The following ICA1 variants were observed in gnomAD, a reference collection of about 807,000 sequenced individuals.
ICA1 encodes 69 kDa islet cell autoantigen.
ICA1 carries 40 observed loss-of-function variants against 71.0 expected under a neutral mutation model. That is an observed-to-expected ratio of 0.56 (90% confidence interval 0.44 to 0.73). ICA1 has a LOEUF of 0.73. ICA1 is among the 30% of genes least tolerant of loss of function. The pLI, the probability that ICA1 is intolerant of heterozygous loss-of-function variation, is 0.00. For missense variants in ICA1, 578 were observed against 576.5 expected (o/e 1.00, Z -0.03); for synonymous variants, 207 against 209.5 (o/e 0.99, Z 0.10).
At chr7:8,209,265 T>C (rs1792762991) in intron 6 of ICA1, among the ~76,000 whole-genome samples, 1 of 152,116 alleles carries the variant, frequency 6.6e-6, no homozygotes, top group Admixed American at 6.5e-5. Flanking sequence ...TCCTTCCCCC[T>C]CCACACTTGA....
In ICA1 at chr7:8,208,154, T is replaced by C. The variant is rs114674790; in HGVS notation, c.579+10151A>G. Among the ~76,000 whole-genome samples, 1,377 of 152,332 alleles carry C rather than the reference T, an allele frequency of 9.0e-3. 19 individuals carry two copies. The highest frequency in any genetic ancestry group is 0.031 in the African/African-American group (1,305 of 41,566). On this transcript the variant is annotated intron_variant, in intron 6 of 13. Transcript: ENST00000402384. The stretch of plus-strand genomic sequence containing the variant: ...TAGATCTTTCTTTCTAAAATATTAA[T>C]TTTCCCTAGCCAACTTATAAATCTA...
chr7:8,189,444 T>C (rs1352583770), intron 6 of ICA1, among the ~76,000 whole-genome samples: 1 of 152,232 alleles, frequency 6.6e-6, no homozygotes, highest in African/African-American at 2.4e-5. Context: ...GCGGATTCTT[T>C]CGCCTCCTCG....
intron 3 of ICA1, 105 bp from the exon 4 acceptor site, chr7:8,228,778 C>A (rs1005121520): frequency 1.5e-6 from 1 of 664,226 alleles, no homozygotes; most frequent in Non-Finnish European, 2.5e-6. Context: ...AAAAACAAGA[C>A]CACATGTCTA....
chr7:8,181,089 T>C (rs1782070386), intron 6 of ICA1, among the ~76,000 whole-genome samples: 1 of 152,188 alleles, frequency 6.6e-6, no homozygotes, highest in Non-Finnish European at 1.5e-5. Flanking sequence ...TATGTTTTGT[T>C]TTAAAAGAGT....
rs137948932 is a variant in ICA1 at position 8,218,493 on chromosome 7, G to T, written c.391C>A (p.Arg131=). 5 of 1,613,900 alleles carry T rather than the reference G, an allele frequency of 3.1e-6. No homozygotes were observed. In the Admixed American group the frequency reaches 6.7e-5, roughly 22 times the overall value. ...TGGTGAAATCGACACAAAGGATTTC[G>T]TAAGGCCAACCTAGACAAGAGGACA... ...CFSSQQRLAL[R]NPLCRFHQEV... is the part of the protein sequence containing the mutation. Residue 131 remains arginine (R), a synonymous_variant, in exon 6 of 14, where the codon CGA becomes AGA. Transcript: ENST00000402384.
At chr7:8,185,852 G>T (rs1400205558) in intron 6 of ICA1, among the ~76,000 whole-genome samples, 3 of 152,192 alleles carry the variant, frequency 2.0e-5, no homozygotes, top group African/African-American at 7.2e-5. Context: ...ACAGTGCTTG[G>T]TGCATAGTAA....
chr7:8,242,630 G>C (rs1277016159), intron 1 of ICA1, among the ~76,000 whole-genome samples: 1 of 152,110 alleles, frequency 6.6e-6, no homozygotes, highest in African/African-American at 2.4e-5. Context: ...CCAGGAGCTG[G>C]TTTTTTGAAA....
chr7:8,155,117 G>C (rs1042396652), intron 8 of ICA1, among the ~76,000 whole-genome samples: 2 of 152,136 alleles, frequency 1.3e-5, no homozygotes, highest in African/African-American at 4.8e-5. Flanking sequence ...CAAAAGTACA[G>C]TTTATTTGGT....
intron 6 of ICA1, among the ~76,000 whole-genome samples, chr7:8,182,460 C>T (rs939847220): frequency 6.6e-5 from 10 of 152,066 alleles, no homozygotes; most frequent in African/African-American, 2.4e-4. Context: ...GAAAGTTGGG[C>T]AGAGGAGAAG....
chr7:8,160,034 C>T lies in ICA1; in HGVS notation c.580-1382G>A, dbSNP rs555115598. 3.9e-5 allele frequency among the ~76,000 whole-genome samples: 6 copies of T among 152,174 alleles called. No homozygotes were observed. The South Asian group carries it at 1.2e-3, about 32-fold the overall frequency. On this transcript the variant is annotated intron_variant, in intron 6 of 13. Transcript: ENST00000402384. ...ACCAGGAGGGCATGGACCATGTCTA[C>T]GTTGTTCATCATTATATTGCCTAGC...
intron 1 of ICA1, among the ~76,000 whole-genome samples, chr7:8,237,833 C>CACACACACAA (rs537406895): frequency 0.013 from 1,993 of 151,478 alleles, 13 homozygotes; most frequent in Non-Finnish European, 0.022. Flanking sequence ...CACACACACA[C>CACACACACAA]ACACACACAC....
In ICA1 at chr7:8,177,439, A is replaced by G. The variant is rs548354634; in HGVS notation, c.580-18787T>C. 5.9e-5 allele frequency among the ~76,000 whole-genome samples: 9 copies of G among 152,318 alleles called. No individual in the cohort carries two copies. In the South Asian group the frequency reaches 1.9e-3, roughly 32 times the overall value. On this transcript the variant is annotated intron_variant, in intron 6 of 13. Transcript: ENST00000402384. ...ATTAGTGGAAGCATTAGGTCACAAG[A>G]CTGAGCCCAGGGCACCCTTTTATCA...
At chr7:8,127,317 G>C (rs925091962) in intron 13 of ICA1, among the ~76,000 whole-genome samples, 2 of 152,016 alleles carry the variant, frequency 1.3e-5, no homozygotes, top group Non-Finnish European at 2.9e-5. Flanking sequence ...GATCAGTGTG[G>C]AAACTCTATT....
intron 6 of ICA1, among the ~76,000 whole-genome samples, chr7:8,202,442 CT>C (rs1398324298): frequency 1.2e-4 from 19 of 152,302 alleles, no homozygotes; most frequent in African/African-American, 4.1e-4. Context: ...ACATGATAAA[CT>C]TTTTAAATGT....
rs140873769 is a variant in ICA1 at position 8,149,125 on chromosome 7, C to CT, written c.805-5154dup. ...AAATGAATCTAAGAGGCCTCTCTGA[C>CT]TATGTATAGACGAGGCAGCCATCAG... On this transcript the variant is annotated intron_variant, in intron 8 of 13. Transcript: ENST00000402384. Among the ~76,000 whole-genome samples, 418 of 152,328 alleles carry CT rather than the reference C, an allele frequency of 2.7e-3. 3 individuals carry two copies. Among genetic ancestry groups the CT allele is most frequent in the Non-Finnish European group, 4.4e-3 (298 of 68,030 alleles).
intron 8 of ICA1, among the ~76,000 whole-genome samples, chr7:8,148,937 C>T (rs1335111186): frequency 6.6e-6 from 1 of 152,166 alleles, no homozygotes; most frequent in Non-Finnish European, 1.5e-5. Flanking sequence ...AGACTGCTCT[C>T]CCCGACGTTG....
At chr7:8,260,917 C>G (rs900420610) in intron 1 of ICA1, among the ~76,000 whole-genome samples, 3 of 152,162 alleles carry the variant, frequency 2.0e-5, no homozygotes, top group Admixed American at 1.3e-4. Flanking sequence ...GCCACAGAAA[C>G]CAATTTGAGA....
At chr7:8,207,910 G>A (rs1468403502) in intron 6 of ICA1, among the ~76,000 whole-genome samples, 5 of 152,226 alleles carry the variant, frequency 3.3e-5, no homozygotes, top group Admixed American at 3.3e-4. Flanking sequence ...GGGACAAAGG[G>A]GATTCTGAGT....
chr7:8,178,019 G>A (rs965794461), intron 6 of ICA1, among the ~76,000 whole-genome samples: 2 of 152,320 alleles, frequency 1.3e-5, no homozygotes, highest in South Asian at 4.2e-4. Context: ...TTCATGATCT[G>A]GCCCTGGCCC....
Sources: allele counts gnomAD v4.1 joint callset (sites outside exome capture counted in the v4.1 genomes callset), GRCh38; gene constraint gnomAD v4.1.1; transcripts MANE v1.5; gene names NCBI Gene and HGNC (gene_info 2026-07-23, HGNC 2026-07-21).